The following AGBL4 variants were observed in gnomAD, a reference collection of about 807,000 sequenced individuals.
AGBL4 encodes AGBL carboxypeptidase 4.
In AGBL4, 58 loss-of-function variants were observed where a neutral mutation model predicts 66.4. The observed-to-expected ratio is 0.87, with a 90% CI of 0.71 to 1.09. AGBL4 has a LOEUF of 1.09. Among genes scored for constraint, AGBL4 ranks in the 50% least tolerant of loss-of-function variants. The pLI is 0.00. For synonymous variants in AGBL4, 234 were observed against 222.9 expected (o/e 1.05, Z -0.44); for missense variants, 579 against 631.0 (o/e 0.92, Z 0.88).
At chr1:49,021,306 T>C (rs1299030894) in intron 5 of AGBL4, among the ~76,000 whole-genome samples, 1 of 152,106 alleles carries the variant, frequency 6.6e-6, no homozygotes, top group Non-Finnish European at 1.5e-5. Context: ...AATGATCACA[T>C]GAATTAAGAT....
At chr1:49,367,456 C>T (rs1192547312) in intron 3 of AGBL4, among the ~76,000 whole-genome samples, 2 of 152,208 alleles carry the variant, frequency 1.3e-5, no homozygotes, top group Admixed American at 6.5e-5. Context: ...ACCAGAAGTA[C>T]ATGTTTGTGC....
intron 2 of AGBL4, among the ~76,000 whole-genome samples, chr1:49,781,344 T>C (rs1257662886): frequency 6.6e-6 from 1 of 152,054 alleles, no homozygotes; most frequent in African/African-American, 2.4e-5. Context: ...CAGTAAGCTA[T>C]GATCATACCA....
At chr1:50,004,176 C>T (rs1476320087) in intron 1 of AGBL4, among the ~76,000 whole-genome samples, 1 of 152,206 alleles carries the variant, frequency 6.6e-6, no homozygotes, top group Admixed American at 6.5e-5. Flanking sequence ...GAACTCAGTG[C>T]TACCCTGTCA....
At chr1:49,231,100 G>T in intron 4 of AGBL4, among the ~76,000 whole-genome samples, 1 of 152,104 alleles carries the variant, frequency 6.6e-6, no homozygotes, top group East Asian at 1.9e-4. Context: ...AATTCTTATA[G>T]CTACAATATT....
intron 9 of AGBL4, among the ~76,000 whole-genome samples, chr1:48,621,944 T>C (rs1645420384): frequency 6.6e-6 from 1 of 152,102 alleles, no homozygotes; most frequent in Non-Finnish European, 1.5e-5. Context: ...CAGAAACTCA[T>C]AGTAAGATTT....
intron 4 of AGBL4, among the ~76,000 whole-genome samples, chr1:49,072,574 C>G (rs1644629393): frequency 6.6e-6 from 1 of 152,202 alleles, no homozygotes; most frequent in Admixed American, 6.5e-5. Context: ...TTGGCCTCCA[C>G]TCTCTTCTGG....
At chr1:49,762,267 T>C (rs947463196) in intron 2 of AGBL4, among the ~76,000 whole-genome samples, 2 of 152,242 alleles carry the variant, frequency 1.3e-5, no homozygotes, top group African/African-American at 4.8e-5. Context: ...ACAGTCTTTC[T>C]AACTGGAGTA....
chr1:48,696,412 T>A (rs1264974875), intron 6 of AGBL4, among the ~76,000 whole-genome samples: 1 of 152,194 alleles, frequency 6.6e-6, no homozygotes, highest in Non-Finnish European at 1.5e-5. Flanking sequence ...GGGTGTTAGA[T>A]GTTAAAACTA....
chr1:48,819,827 T>C (rs1011425801), intron 6 of AGBL4, among the ~76,000 whole-genome samples: 6 of 152,202 alleles, frequency 3.9e-5, no homozygotes, highest in African/African-American at 1.4e-4. Flanking sequence ...GTGGTCCAGC[T>C]TTTGCTCACA....
At chr1:48,782,767 C>T (rs889441348) in intron 6 of AGBL4, among the ~76,000 whole-genome samples, 1 of 151,552 alleles carries the variant, frequency 6.6e-6, no homozygotes, top group Admixed American at 6.5e-5. Flanking sequence ...TACATTGACA[C>T]ATCATCATCA....
At chr1:48,970,748 C>T (rs11584167) in intron 5 of AGBL4, among the ~76,000 whole-genome samples, 15 of 152,036 alleles carry the variant, frequency 9.9e-5, no homozygotes, top group East Asian at 1.9e-4. Flanking sequence ...GGCCTTTCCG[C>T]GACACATATG....
At chr1:48,895,101 T>C (rs753754222) in intron 5 of AGBL4, among the ~76,000 whole-genome samples, 7 of 152,330 alleles carry the variant, frequency 4.6e-5, no homozygotes, top group African/African-American at 7.2e-5. Context: ...GTTCCCTCTG[T>C]TCTGTGGTTA....
chr1:49,254,108 A>G (rs932476538), intron 3 of AGBL4, among the ~76,000 whole-genome samples: 1 of 152,218 alleles, frequency 6.6e-6, no homozygotes, highest in Non-Finnish European at 1.5e-5. Context: ...AATCGGCAGA[A>G]GACAAGGATG....
chr1:49,584,089 T>TTA (rs1449468711), intron 3 of AGBL4, among the ~76,000 whole-genome samples: 1 of 152,042 alleles, frequency 6.6e-6, no homozygotes, highest in African/African-American at 2.4e-5. Flanking sequence ...TTGTGGAGAG[T>TTA]CTTTAGGTAG....
chr1:49,083,332 G>C (rs899319202), intron 4 of AGBL4, among the ~76,000 whole-genome samples: 1 of 152,228 alleles, frequency 6.6e-6, no homozygotes, highest in African/African-American at 2.4e-5. Flanking sequence ...TCCTGCCCCT[G>C]CAGAAAACTT....
intron 5 of AGBL4, among the ~76,000 whole-genome samples, chr1:48,919,988 G>A (rs563037979): frequency 1.1e-4 from 16 of 152,256 alleles, no homozygotes; most frequent in Admixed American, 7.2e-4. Context: ...AAAAACTTTT[G>A]TTTGCTAGAA....
chr1:49,811,970 T>C (rs949986827), intron 2 of AGBL4, among the ~76,000 whole-genome samples: 1 of 152,176 alleles, frequency 6.6e-6, no homozygotes, highest in African/African-American at 2.4e-5. Flanking sequence ...CAGTGTTACA[T>C]GCCACAGTGC....
chr1:48,886,815 T>G (rs1309875929), intron 5 of AGBL4, among the ~76,000 whole-genome samples: 1 of 152,188 alleles, frequency 6.6e-6, no homozygotes, highest in Non-Finnish European at 1.5e-5. Context: ...CCTCCCAAAG[T>G]GCTGGCATTA....
At chr1:49,192,566 T>C (rs1386730048) in intron 4 of AGBL4, among the ~76,000 whole-genome samples, 1 of 152,244 alleles carries the variant, frequency 6.6e-6, no homozygotes, top group Non-Finnish European at 1.5e-5. Context: ...CCCAAAGTGC[T>C]GGGATTACAG....
Sources: allele counts gnomAD v4.1 joint callset (sites outside exome capture counted in the v4.1 genomes callset), GRCh38; gene constraint gnomAD v4.1.1; transcripts MANE v1.5; gene names NCBI Gene and HGNC (gene_info 2026-07-23, HGNC 2026-07-21).